KIAA0825: variants seen among roughly 807,000 people sequenced by gnomAD.
KIAA0825 encodes the protein KIAA0825.
A neutral mutation model predicts 147.6 loss-of-function variants in KIAA0825; 119 were observed. That is an observed-to-expected ratio of 0.81 (90% confidence interval 0.69 to 0.94). The LOEUF (loss-of-function observed/expected upper bound fraction) is 0.94, where lower values mean the gene tolerates loss of function less well. Among genes scored for constraint, KIAA0825 ranks in the 40% least tolerant of loss-of-function variants. KIAA0825 has a pLI of 0.00. For missense variants in KIAA0825, 1,381 were observed against 1,472.7 expected (o/e 0.94, Z 1.02); for synonymous variants, 470 against 518.1 (o/e 0.91, Z 1.26).
intron 20 of KIAA0825, among the ~76,000 whole-genome samples, chr5:94,216,505 A>C (rs1773213215): frequency 6.6e-6 from 1 of 152,158 alleles, no homozygotes; most frequent in Admixed American, 6.6e-5. Context: ...AGGAGGAATA[A>C]AGTGATTAGC....
intron 5 of KIAA0825, among the ~76,000 whole-genome samples, chr5:94,489,583 A>C (rs527816308): frequency 7.2e-5 from 11 of 151,984 alleles, no homozygotes; most frequent in East Asian, 3.9e-4. Context: ...AAAAAAAAAA[A>C]AAAACAAACT....
At position 94,223,328 on chromosome 5, in the gene KIAA0825, A is replaced by T. The variant is rs575463345; in HGVS notation, c.3711-69204T>A. Among the ~76,000 whole-genome samples, 6 of 152,308 alleles carry T rather than the reference A, an allele frequency of 3.9e-5. No individual in the cohort carries two copies. The South Asian group carries it at 1.2e-3, about 32-fold the overall frequency. Reference sequence around the variant, plus strand: ...GGACTAACTAGTTATCTGTGGTGCCATATCTGAGCACATGTCTCCTGGGTC... The same window carrying T: ...GGACTAACTAGTTATCTGTGGTGCCTTATCTGAGCACATGTCTCCTGGGTC... On this transcript the variant is annotated intron_variant, in intron 20 of 20. Transcript: ENST00000682413.
At chr5:94,563,505 A>G (rs1388260077) in intron 2 of KIAA0825, among the ~76,000 whole-genome samples, 1 of 152,228 alleles carries the variant, frequency 6.6e-6, no homozygotes, top group Admixed American at 6.5e-5. Context: ...TGTACACACA[A>G]TATAAAACTA....
intron 20 of KIAA0825, among the ~76,000 whole-genome samples, chr5:94,344,408 A>C (rs1782765400): frequency 6.6e-6 from 1 of 152,244 alleles, no homozygotes; most frequent in South Asian, 2.1e-4. Flanking sequence ...GAAAACACAA[A>C]AATAACAATT....
At chr5:94,300,907 G>A (rs144276790) in intron 20 of KIAA0825, among the ~76,000 whole-genome samples, 331 of 152,238 alleles carry the variant, frequency 2.2e-3, no homozygotes, top group African/African-American at 7.5e-3. Context: ...CTACTTTGAC[G>A]GATTGAGTCA....
chr5:94,428,574 C>T (rs1184274572), intron 14 of KIAA0825, among the ~76,000 whole-genome samples: 4 of 152,090 alleles, frequency 2.6e-5, no homozygotes, highest in South Asian at 2.1e-4. Context: ...AAAATAGGAC[C>T]GCAATCTCTA....
intron 20 of KIAA0825, among the ~76,000 whole-genome samples, chr5:94,167,980 T>G (rs1768209068): frequency 6.6e-6 from 1 of 150,876 alleles, no homozygotes; most frequent in Admixed American, 6.6e-5. Context: ...TCTCACAATT[T>G]GCTACTATGG....
At chr5:94,565,240 G>GC (rs987287205) in intron 2 of KIAA0825, among the ~76,000 whole-genome samples, 1 of 147,300 alleles carries the variant, frequency 6.8e-6, no homozygotes, top group African/African-American at 2.5e-5. Flanking sequence ...GTCTCTCCCT[G>GC]TTTTTTTGCA....
chr5:94,517,949 T>C (rs747224332), intron 5 of KIAA0825, among the ~76,000 whole-genome samples: 2 of 152,148 alleles, frequency 1.3e-5, no homozygotes, highest in Non-Finnish European at 2.9e-5. Context: ...AACATCTCTA[T>C]GTCTTAGTTT....
At chr5:94,426,033 C>CATTATTATT (rs60733170) in intron 14 of KIAA0825, among the ~76,000 whole-genome samples, 39 of 147,524 alleles carry the variant, frequency 2.6e-4, no homozygotes, top group Non-Finnish European at 4.3e-4. Flanking sequence ...TTATTATTAT[C>CATTATTATT]ATTATTATTA....
rs548282366 is a variant in KIAA0825 at position 94,449,951 on chromosome 5, G to A, written c.2357+3008C>T. On this transcript the variant is annotated intron_variant, in intron 13 of 20. Coordinates refer to ENST00000682413, the MANE Select transcript of KIAA0825 (RefSeq NM_001145678.3). The stretch of plus-strand genomic sequence containing the variant: ...AAAAATTAGCTGGGCATGGTGGCAC[G>A]TGCCTGTAATCCCAGCTACTTGGGA... 4.8e-3 allele frequency among the ~76,000 whole-genome samples: 723 copies of A among 151,832 alleles called. 10 individuals are homozygous for A. In the Middle Eastern group the frequency reaches 0.058, roughly 12 times the overall value.
Position 94,351,960 on chromosome 5 carries a change from G to A in KIAA0825, c.3710+32408C>T, listed in dbSNP as rs10072445. Among the ~76,000 whole-genome samples the A allele has an allele frequency of 9.0e-3, 1,368 of 152,196 alleles. 26 individuals carry two copies. The highest frequency in any genetic ancestry group is 0.031 in the African/African-American group (1,307 of 41,524). On this transcript the variant is annotated intron_variant, in intron 20 of 20. Coordinates refer to ENST00000682413, the MANE Select transcript of KIAA0825 (RefSeq NM_001145678.3). The stretch of plus-strand genomic sequence containing the variant: ...TTAAGCACATAAACCTAAGATCTGA[G>A]ACTATAAAAATTCTAGAAGATAACA...
chr5:94,293,427 G>A (rs1429205671), intron 20 of KIAA0825, among the ~76,000 whole-genome samples: 1 of 152,194 alleles, frequency 6.6e-6, no homozygotes, highest in Non-Finnish European at 1.5e-5. Context: ...AGTTTTGAGT[G>A]AGTTTCTTAA....
At chr5:94,394,561 A>G (rs1562453614) in intron 17 of KIAA0825, among the ~76,000 whole-genome samples, 1 of 152,186 alleles carries the variant, frequency 6.6e-6, no homozygotes, top group Non-Finnish European at 1.5e-5. Context: ...TAGCTTATAG[A>G]TTCTTGTATG....
chr5:94,300,787 G>A (rs1240291941), intron 20 of KIAA0825, among the ~76,000 whole-genome samples: 1 of 152,110 alleles, frequency 6.6e-6, no homozygotes, highest in East Asian at 1.9e-4. Context: ...AAATAAAGAA[G>A]CAACTTTTCT....
chr5:94,391,891 T>C (rs1749948164), intron 17 of KIAA0825, among the ~76,000 whole-genome samples, 197 bp from the exon 18 acceptor site: 1 of 152,196 alleles, frequency 6.6e-6, no homozygotes, highest in South Asian at 2.1e-4. Flanking sequence ...CCTGAAAGCA[T>C]TTTCAAAAAT....
chr5:94,269,553 T>G (rs907336477), intron 20 of KIAA0825, among the ~76,000 whole-genome samples: 2 of 152,078 alleles, frequency 1.3e-5, no homozygotes, highest in Non-Finnish European at 2.9e-5. Flanking sequence ...ACAATATGTT[T>G]CTGAGGGACC....
rs927581654 is a variant in KIAA0825 at position 94,252,466 on chromosome 5, T to TAG, written c.3711-98344_3711-98343dup. On this transcript the variant is annotated intron_variant, in intron 20 of 20. Transcript: ENST00000682413. ...ATGTGTGTGGGTGTGTATATATATA[T>TAG]AGAGAGAGAGAGAGTGAGTGAGTGT... Among the ~76,000 whole-genome samples, 864 of 151,260 alleles carry TAG rather than the reference T, an allele frequency of 5.7e-3. 8 individuals are homozygous for TAG. The highest frequency in any genetic ancestry group is 0.019 in the African/African-American group (772 of 41,300).
At chr5:94,496,183 A>G (rs533853065) in intron 5 of KIAA0825, among the ~76,000 whole-genome samples, 2 of 152,310 alleles carry the variant, frequency 1.3e-5, no homozygotes, top group African/African-American at 4.8e-5. Flanking sequence ...TTGGCAAGCT[A>G]AACATGGCTT....
Sources: allele counts gnomAD v4.1 joint callset (sites outside exome capture counted in the v4.1 genomes callset), GRCh38; gene constraint gnomAD v4.1.1; transcripts MANE v1.5; gene names NCBI Gene and HGNC (gene_info 2026-07-23, HGNC 2026-07-21).